ANKRD35: variants seen among roughly 807,000 people sequenced by gnomAD.
ANKRD35 encodes the protein ankyrin repeat domain 35.
ANKRD35 carries 102 observed loss-of-function variants against 109.9 expected under a neutral mutation model. That is an observed-to-expected ratio of 0.93 (90% CI 0.79 to 1.09). The LOEUF (loss-of-function observed/expected upper bound fraction) is 1.09. Among genes scored for constraint, ANKRD35 ranks in the 50% least tolerant of loss-of-function variants. ANKRD35 has a pLI of 0.00. For synonymous variants in ANKRD35, 515 were observed against 512.4 expected (o/e 1.01, Z -0.07); for missense variants, 1,240 against 1,230.1 (o/e 1.01, Z -0.12).
At chr1:145,878,094 G>T (rs56110740) in intron 3 of ANKRD35, 62 bp from the exon 4 acceptor site, 2 of 1,450,966 alleles carry the variant, frequency 1.4e-6, no homozygotes, top group Admixed American at 3.3e-5. Context: ...TGACTCACAG[G>T]GAGGGAAGGC....
intron 1 of ANKRD35, among the ~76,000 whole-genome samples, chr1:145,880,514 TAAAC>T: frequency 6.6e-6 from 1 of 152,328 alleles, no homozygotes; most frequent in South Asian, 2.1e-4. Flanking sequence ...CTGTGACTAT[TAAAC>T]AAGCTAATAT....
At position 145,866,854 on chromosome 1, in the gene ANKRD35, A is replaced by G. The variant is rs80069050; in HGVS notation, c.*44-89T>C. Reference sequence around the variant, plus strand: ...TATCAACATGCTAAAAGGGACCCTCATCTATCTGGACTGGAGAAGGGGACT... The same window carrying G: ...TATCAACATGCTAAAAGGGACCCTCGTCTATCTGGACTGGAGAAGGGGACT... On this transcript the variant is annotated intron_variant, in intron 13 of 13. Coordinates refer to ENST00000355594, the MANE Select transcript of ANKRD35 (RefSeq NM_144698.5). 898 of 156,316 alleles carry G rather than the reference A, an allele frequency of 5.7e-3. 5 individuals carry two copies. Among genetic ancestry groups the G allele is most frequent in the Admixed American group, 9.8e-3 (154 of 15,664 alleles). The allele number at this position is 156,316 out of a possible 1,614,324, so 9.7% of individuals were successfully genotyped here.
chr1:145,873,636 A>T lies in ANKRD35; in HGVS notation c.1133T>A (p.Leu378Gln). Residue 378 changes from leucine to glutamine, a missense_variant, in exon 10 of 14, where the codon CTG becomes CAG. Physicochemically the swap from Leu to Gln is moderately radical, Grantham distance 113 (BLOSUM62 -2). Transcript: ENST00000355594. ...CTTTAGCTCTTGTGTACTCTCAGCC[A>T]GCAGGTCCTTAGGACAACCCTGCTC... ...GMEQGCPKDL[L>Q]AESTQELKKQ... The T allele has an allele frequency of 1.2e-6, 2 of 1,614,106 alleles. No individual in the cohort carries two copies. The highest frequency in any genetic ancestry group is 1.7e-6 in the Non-Finnish European group (2 of 1,180,028).
At chr1:145,877,268 T>C (rs1436515902) in intron 4 of ANKRD35, among the ~76,000 whole-genome samples, 2 of 150,902 alleles carry the variant, frequency 1.3e-5, no homozygotes, top group African/African-American at 4.9e-5. Flanking sequence ...AGTCTCTCTC[T>C]GTTGCCCAGA....
Position 145,866,587 on chromosome 1 carries a change from A to G in ANKRD35, c.*222T>C, listed in dbSNP as rs1400248036. ...CGTCCTGCCTCATGCTTTATTTTCCATAGAGCTTGTTTCCATCCATACCTC... is the reference window on the plus strand; with the variant it reads ...CGTCCTGCCTCATGCTTTATTTTCCGTAGAGCTTGTTTCCATCCATACCTC... On this transcript the variant is annotated 3_prime_UTR_variant, in exon 14 of 14. Transcript: ENST00000355594. The G allele has an allele frequency of 2.0e-5, 3 of 151,042 alleles. No individual in the cohort carries two copies. The highest frequency in any genetic ancestry group is 6.6e-5 in the Admixed American group (1 of 15,164). 9.4% of individuals were successfully genotyped at this position (151,042 alleles called of 1,614,324 possible).
Position 145,878,048 on chromosome 1 carries a change from G to A in ANKRD35, c.260-16C>T, listed in dbSNP as rs1553740455. 6.2e-6 allele frequency: 10 copies of A among 1,612,874 alleles called. No homozygotes were observed. Among genetic ancestry groups the A allele is most frequent in the Non-Finnish European group, 8.5e-6 (10 of 1,179,120 alleles). The stretch of plus-strand genomic sequence containing the variant: ...GCAGTGCTTCCTGGAACAGAAAGAA[G>A]GGGAGAAGGAGGGTAGGTGGCCCCA... On this transcript the variant is annotated splice_polypyrimidine_tract_variant and intron_variant, in intron 3 of 13. Transcript: ENST00000355594.
At position 145,872,700 on chromosome 1, in the gene ANKRD35, A is replaced by G; in HGVS notation, c.2069T>C (p.Leu690Pro). 1 of 1,614,066 alleles carries G rather than the reference A, an allele frequency of 6.2e-7. No homozygotes were observed. Among genetic ancestry groups the G allele is most frequent in the Non-Finnish European group, 8.5e-7 (1 of 1,180,006 alleles). The change falls in exon 10 of 14, where the codon CTG becomes CCG. Residue 690 changes from leucine to proline, a missense_variant. Transcript: ENST00000355594. The stretch of plus-strand genomic sequence containing the variant: ...GCTCTGGGAGGCCAGGAGCTTCCGC[A>G]GCTTCTCTGTGGCCTCCTTCTCCAT... Reference protein sequence around the residue: ...LAMEKEATEKLRKLLASQSSG... With the variant: ...LAMEKEATEKPRKLLASQSSG...
intron 12 of ANKRD35, 120 bp from the exon 13 acceptor site, chr1:145,867,512 A>G: frequency 1.3e-6 from 1 of 773,952 alleles, no homozygotes; most frequent in South Asian, 1.6e-5. Flanking sequence ...CTTCACTTAT[A>G]GTATTTAACT....
In ANKRD35 at chr1:145,874,146, G is replaced by A. The variant is rs782341183; in HGVS notation, c.783+9C>T. ...CAAAAGCAAAAGGGGGAGGCACTTAGGGTCTTACCTGGGATGCGAGATCTG... is the reference window on the plus strand; with the variant it reads ...CAAAAGCAAAAGGGGGAGGCACTTAAGGTCTTACCTGGGATGCGAGATCTG... On this transcript the variant is annotated intron_variant, in intron 9 of 13. Transcript: ENST00000355594. The A allele has an allele frequency of 2.5e-6, 4 of 1,614,128 alleles. No individual in the cohort carries two copies. The Admixed American group carries it at 5.0e-5, about 20-fold the overall frequency.
intron 1 of ANKRD35, among the ~76,000 whole-genome samples, chr1:145,880,793 A>G (rs939205183): frequency 3.9e-5 from 6 of 152,248 alleles, no homozygotes; most frequent in Non-Finnish European, 8.8e-5. Flanking sequence ...TATCTAAGGT[A>G]GATGGATTCT....
chr1:145,871,154 T>TTTTTC (rs1653801454), intron 10 of ANKRD35, among the ~76,000 whole-genome samples: 1 of 56,580 alleles, frequency 1.8e-5, no homozygotes, highest in African/African-American at 6.7e-5. Flanking sequence ...TTCTTTTTTC[T>TTTTTC]TTTTTTTTTT....
chr1:145,869,384 G>A lies in ANKRD35; in HGVS notation c.2788-984C>T, dbSNP rs189542531. ...TTTAGTAGAGGCGGGGTTTCACTAC[G>A]TTGGCCAGGCTGGTCTCGAACTCCT... is the stretch of plus-strand genomic sequence containing the variant. On this transcript the variant is annotated intron_variant, in intron 10 of 13. Coordinates refer to ENST00000355594, the MANE Select transcript of ANKRD35 (RefSeq NM_144698.5). Among the ~76,000 whole-genome samples, 708 of 152,188 alleles carry A rather than the reference G, an allele frequency of 4.7e-3. 7 individuals are homozygous for A. The highest frequency in any genetic ancestry group is 0.016 in the African/African-American group (673 of 41,522).
Position 145,885,847 on chromosome 1 carries a change from A to G in ANKRD35, c.-89T>C. The G allele has an allele frequency of 9.9e-7, 1 of 1,008,748 alleles. No individual in the cohort carries two copies. The highest frequency in any genetic ancestry group is 1.6e-6 in the Non-Finnish European group (1 of 639,548). 62.5% of individuals were successfully genotyped at this position (1,008,748 alleles called of 1,614,324 possible). ...CACCGGACTTGGCTGCGGCTGTGCA[A>G]GAGACAGCTGTCAAAAAGCAGAGCG... is the stretch of plus-strand genomic sequence containing the variant. On this transcript the variant is annotated 5_prime_UTR_variant, in exon 1 of 14. Transcript: ENST00000355594.
chr1:145,874,691 G>T, intron 8 of ANKRD35, 131 bp downstream of exon 8: 1 of 1,150,670 alleles, frequency 8.7e-7, no homozygotes, highest in Non-Finnish European at 1.2e-6. Context: ...CACAGTAGCA[G>T]CAATAAATAC....
In ANKRD35 at chr1:145,871,741, C is replaced by T. The variant is rs139197388; in HGVS notation, c.2787+241G>A. On this transcript the variant is annotated intron_variant, in intron 10 of 13. Transcript: ENST00000355594. ...AGCACACTGCTTCTGAATCTGGGTG[C>T]CAAATTTTAGTACCTAAGCCCCCTT... 2.9e-3 allele frequency among the ~76,000 whole-genome samples: 444 copies of T among 152,232 alleles called. 1 individual carries two copies. Among genetic ancestry groups the T allele is most frequent in the Admixed American group, 5.4e-3 (82 of 15,290 alleles).
chr1:145,882,498 C>A (rs983100861), intron 1 of ANKRD35, among the ~76,000 whole-genome samples: 2 of 149,402 alleles, frequency 1.3e-5, no homozygotes, highest in African/African-American at 5.0e-5. Context: ...ACTGCATTGC[C>A]CAGGCTGGTC....
Position 145,879,359 on chromosome 1 carries a change from C to A in ANKRD35, c.69G>T (p.Lys23Asn). The A allele has an allele frequency of 6.3e-7, 1 of 1,598,544 alleles. No individual in the cohort carries two copies. The change falls in exon 2 of 14, where the codon AAG becomes AAT. Residue 23 changes from lysine (K) to asparagine (N), a missense_variant. Lys to Asn is a moderately conservative substitution (Grantham distance 94, BLOSUM62 0). Transcript: ENST00000355594. The stretch of plus-strand genomic sequence containing the variant: ...CCCCCCTGTGCACTGCCTCCAGCAG[C>A]TTCTGATCATGGCGGTTCCATCTCT... Reference protein sequence around the residue: ...AVERWNRHDQKLLEAVHRGDV... With the variant: ...AVERWNRHDQNLLEAVHRGDV...
chr1:145,872,330 C>A lies in ANKRD35; in HGVS notation c.2439G>T (p.Leu813=), dbSNP rs141364059. ...CCACTTCCTCTGTGGCTTGGTAGAG[C>A]AGCTGCTTCAGCTTTCCGATCTCCT... ...KSQEIGKLKQ[L]LYQATEEVAE... is the part of the protein sequence containing the mutation. Residue 813 remains leucine, a synonymous_variant, in exon 10 of 14, where the codon CTG becomes CTT. Coordinates refer to ENST00000355594, the MANE Select transcript of ANKRD35 (RefSeq NM_144698.5). 8.5e-4 allele frequency: 1,368 copies of A among 1,612,782 alleles called. 19 individuals are homozygous for A. In the East Asian group the frequency reaches 0.023, roughly 27 times the overall value.
intron 2 of ANKRD35, among the ~76,000 whole-genome samples, chr1:145,878,858 C>T (rs1025015339): frequency 3.9e-5 from 6 of 152,164 alleles, no homozygotes; most frequent in African/African-American, 1.4e-4. Context: ...CAAGGGATAA[C>T]ATTTCCTTTG....
Sources: gnomAD v4.1 joint callset for allele counts (sites outside exome capture counted in the v4.1 genomes callset) on GRCh38, gnomAD v4.1.1 for gene constraint, MANE v1.5 for transcripts, NCBI Gene and HGNC (gene_info 2026-07-23, HGNC 2026-07-21) for gene names.